FAM168A: variants seen among roughly 807,000 people sequenced by gnomAD.
FAM168A encodes protein FAM168A.
Under a neutral mutation model 28.5 loss-of-function variants are expected in FAM168A, and 3 were observed. The ratio of observed to expected loss-of-function variants is 0.11; its 90% CI spans 0.05 to 0.27. The LOEUF is 0.27. Among genes scored for constraint, FAM168A ranks in the 10% least tolerant of loss-of-function variants. FAM168A has a pLI of 1.00. For missense variants in FAM168A, 222 were observed against 311.5 expected (o/e 0.71, Z 2.16); for synonymous variants, 122 against 124.2 (o/e 0.98, Z 0.12).
chr11:73,591,910 G>A (rs1412123786), intron 1 of FAM168A, among the ~76,000 whole-genome samples: 1 of 152,094 alleles, frequency 6.6e-6, no homozygotes, highest in Non-Finnish European at 1.5e-5. Context: ...ATTTGCATAA[G>A]TATAAATAGC....
chr11:73,484,520 A>ATATC (rs1868013346), intron 1 of FAM168A, among the ~76,000 whole-genome samples: 2 of 135,002 alleles, frequency 1.5e-5, no homozygotes, highest in Non-Finnish European at 3.1e-5. Flanking sequence ...ATATATAGAT[A>ATATC]TATATATCTA....
At chr11:73,583,174 A>G (rs1944270090) in intron 1 of FAM168A, among the ~76,000 whole-genome samples, 1 of 152,134 alleles carries the variant, frequency 6.6e-6, no homozygotes, top group Non-Finnish European at 1.5e-5. Flanking sequence ...ATGGTGGTGC[A>G]TACCTGTAAT....
intron 1 of FAM168A, among the ~76,000 whole-genome samples, chr11:73,474,407 G>A (rs991367250): frequency 4.6e-5 from 7 of 151,838 alleles, no homozygotes; most frequent in South Asian, 2.1e-4. Flanking sequence ...GCACAGTTAC[G>A]GCACACTACA....
chr11:73,547,162 C>CGGG (rs1341444976), intron 1 of FAM168A, among the ~76,000 whole-genome samples: 1 of 122,014 alleles, frequency 8.2e-6, no homozygotes, highest in South Asian at 2.7e-4. Context: ...GAGGAAAAGG[C>CGGG]GGGGGGGAGG....
At chr11:73,564,515 G>T (rs183044473) in intron 1 of FAM168A, among the ~76,000 whole-genome samples, 23 of 151,796 alleles carry the variant, frequency 1.5e-4, no homozygotes, top group African/African-American at 5.1e-4. Context: ...AAGGTGGGCA[G>T]ATCACAAGGT....
intron 4 of FAM168A, among the ~76,000 whole-genome samples, chr11:73,412,906 G>A (rs970016316): frequency 1.3e-5 from 2 of 152,224 alleles, no homozygotes; most frequent in African/African-American, 4.8e-5. Context: ...AGAGTGGAGG[G>A]AGTGCTTTAT....
intron 1 of FAM168A, among the ~76,000 whole-genome samples, chr11:73,476,200 A>G (rs1045452246): frequency 6.6e-6 from 1 of 152,214 alleles, no homozygotes; most frequent in Admixed American, 6.5e-5. Flanking sequence ...AACCACATAC[A>G]GATCCACTGG....
intron 1 of FAM168A, among the ~76,000 whole-genome samples, chr11:73,584,051 G>A (rs1432433994): frequency 6.6e-6 from 1 of 152,126 alleles, no homozygotes; most frequent in East Asian, 1.9e-4. Flanking sequence ...AGTAAACACA[G>A]AAATATATTT....
chr11:73,496,600 G>A (rs1854881635), intron 1 of FAM168A, among the ~76,000 whole-genome samples: 1 of 152,046 alleles, frequency 6.6e-6, no homozygotes, highest in Admixed American at 6.5e-5. Context: ...TCACTCTGTC[G>A]CCCAGGCTGG....
At chr11:73,502,339 A>G (rs961824112) in intron 1 of FAM168A, among the ~76,000 whole-genome samples, 1 of 152,148 alleles carries the variant, frequency 6.6e-6, no homozygotes, top group African/African-American at 2.4e-5. Flanking sequence ...CAGAAATACA[A>G]ACTACCATCA....
intron 5 of FAM168A, among the ~76,000 whole-genome samples, chr11:73,409,934 T>C (rs1299045336): frequency 6.6e-6 from 1 of 152,208 alleles, no homozygotes; most frequent in East Asian, 1.9e-4. Flanking sequence ...TAAAATGTTT[T>C]ATCTTACTGC....
At chr11:73,449,904 C>A (rs1335796091) in intron 2 of FAM168A, among the ~76,000 whole-genome samples, 1 of 152,204 alleles carries the variant, frequency 6.6e-6, no homozygotes, top group East Asian at 1.9e-4. Flanking sequence ...TTTTCTGCAT[C>A]TTCTCCTGCT....
chr11:73,497,552 G>T (rs1315307213), intron 1 of FAM168A, among the ~76,000 whole-genome samples: 1 of 152,138 alleles, frequency 6.6e-6, no homozygotes, highest in African/African-American at 2.4e-5. Flanking sequence ...TTAGCCACAT[G>T]TAGCTACTAA....
chr11:73,573,968 CA>C (rs1278903718), intron 1 of FAM168A, among the ~76,000 whole-genome samples: 1 of 150,642 alleles, frequency 6.6e-6, no homozygotes, highest in African/African-American at 2.4e-5. Flanking sequence ...TACCAAGGGG[CA>C]GGGGTGGGGG....
intron 1 of FAM168A, among the ~76,000 whole-genome samples, chr11:73,497,882 C>T (rs969986221): frequency 2.6e-5 from 4 of 152,066 alleles, no homozygotes; most frequent in Non-Finnish European, 5.9e-5. Flanking sequence ...GCACATGTAC[C>T]CTAGAACTTA....
At chr11:73,428,053 T>C (rs1866920386) in intron 3 of FAM168A, among the ~76,000 whole-genome samples, 1 of 152,186 alleles carries the variant, frequency 6.6e-6, no homozygotes, top group South Asian at 2.1e-4. Flanking sequence ...ACTGGGCAAT[T>C]TATTCTAAGC....
At chr11:73,543,223 A>G (rs1255148489) in intron 1 of FAM168A, among the ~76,000 whole-genome samples, 2 of 150,884 alleles carry the variant, frequency 1.3e-5, no homozygotes. Context: ...TATTGTAAGT[A>G]TAATCAATAC....
intron 1 of FAM168A, among the ~76,000 whole-genome samples, chr11:73,554,623 T>C (rs1943868663): frequency 1.3e-5 from 2 of 152,178 alleles, no homozygotes; most frequent in Non-Finnish European, 2.9e-5. Flanking sequence ...AAAATGAATA[T>C]ATAAAATGCC....
At chr11:73,452,572 T>C (rs1867450881) in intron 2 of FAM168A, among the ~76,000 whole-genome samples, 1 of 152,128 alleles carries the variant, frequency 6.6e-6, no homozygotes, top group African/African-American at 2.4e-5. Flanking sequence ...GGGCCAGTGC[T>C]AGAAGAGAAG....
Sources: gnomAD v4.1 joint callset for allele counts (sites outside exome capture counted in the v4.1 genomes callset) on GRCh38, gnomAD v4.1.1 for gene constraint, MANE v1.5 for transcripts, NCBI Gene and HGNC (gene_info 2026-07-23, HGNC 2026-07-21) for gene names.